The following MARF1 variants were observed in gnomAD, a reference collection of about 807,000 sequenced individuals.
MARF1 encodes the protein meiosis regulator and mRNA stability factor 1.
A neutral mutation model predicts 168.2 loss-of-function variants in MARF1; 24 were observed. That is an observed-to-expected ratio of 0.14 (90% CI 0.10 to 0.20). The LOEUF is 0.20. MARF1 is among the 10% of genes least tolerant of loss of function. The pLI, the probability that MARF1 is intolerant of heterozygous loss-of-function variation, is 1.00. For missense variants in MARF1, 1,744 were observed against 2,143.6 expected (o/e 0.81, Z 3.68); for synonymous variants, 868 against 822.4 (o/e 1.06, Z -0.95).
At chr16:15,600,291 G>T in intron 25 of MARF1, 137 bp downstream of exon 25, 2 of 1,163,330 alleles carry the variant, frequency 1.7e-6, no homozygotes, top group Non-Finnish European at 2.5e-6. Context: ...TACCAAAACT[G>T]CTTTGAAAAA....
In MARF1 at chr16:15,625,106, A is replaced by C; in HGVS notation, c.2021T>G (p.Leu674Arg). The change falls in exon 9 of 27, where the codon CTG becomes CGG. Residue 674 changes from leucine (L) to arginine (R), a missense_variant. Transcript: ENST00000396368. ...NSEHQQGHLR[L>R]VVPTHGNSSA... ...TGAGTTACCGTGAGTGGGTACGACCAGCCTCAGGTGACCTTGCTGGTGCTC... is the reference window on the plus strand; with the variant it reads ...TGAGTTACCGTGAGTGGGTACGACCCGCCTCAGGTGACCTTGCTGGTGCTC... 2 of 1,614,190 alleles carry C rather than the reference A, an allele frequency of 1.2e-6. No individual in the cohort carries two copies. The highest frequency in any genetic ancestry group is 1.7e-5 in the Admixed American group (1 of 60,016).
At chr16:15,639,996 C>T (rs1229069789) in intron 1 of MARF1, among the ~76,000 whole-genome samples, 1 of 152,128 alleles carries the variant, frequency 6.6e-6, no homozygotes, top group Non-Finnish European at 1.5e-5. Context: ...CAGAGTGAGA[C>T]TTCACCTCCT....
At position 15,624,824 on chromosome 16, in the gene MARF1, A is replaced by AAAG; in HGVS notation, c.2214_2215insCTT (p.Leu739dup). 3 of 1,614,200 alleles carry AAAG rather than the reference A, an allele frequency of 1.9e-6. No individual in the cohort carries two copies. Among genetic ancestry groups the AAAG allele is most frequent in the Non-Finnish European group, 2.5e-6 (3 of 1,180,026 alleles). On this transcript the variant is annotated inframe_insertion, in exon 10 of 27. Transcript: ENST00000396368. ...GGACTGACTTGCCTGGATGCAACTA[A>AAAG]CTTGCTAAAAGCAGACGGGTAACTC...
chr16:15,627,679 G>C (rs1201848086), intron 7 of MARF1, among the ~76,000 whole-genome samples: 2 of 151,978 alleles, frequency 1.3e-5, no homozygotes, highest in Non-Finnish European at 2.9e-5. Flanking sequence ...GAAAACTTAA[G>C]ATAATTATAT....
At chr16:15,600,301 A>G in intron 25 of MARF1, 127 bp downstream of exon 25, 1 of 1,251,690 alleles carries the variant, frequency 8.0e-7, no homozygotes, top group South Asian at 1.4e-5. Flanking sequence ...GCTTTGAAAA[A>G]TGTGTGGCTA....
chr16:15,610,901 C>T (rs992373629), intron 19 of MARF1, 74 bp downstream of exon 19: 2 of 1,455,950 alleles, frequency 1.4e-6, no homozygotes, highest in Admixed American at 1.8e-5. Flanking sequence ...GGGAAAACCA[C>T]ATCTTCCATG....
chr16:15,618,069 C>G lies in MARF1; in HGVS notation c.2721-534G>C, dbSNP rs866065752. 3.9e-5 allele frequency among the ~76,000 whole-genome samples: 6 copies of G among 152,278 alleles called. No individual in the cohort carries two copies. The South Asian group carries it at 1.0e-3, about 26-fold the overall frequency. ...CAGATTTGAGTTCACATCCTGACTC[C>G]ACTTCAACCTGTGTGACCTTAGTCA... is the stretch of plus-strand genomic sequence containing the variant. On this transcript the variant is annotated intron_variant, in intron 13 of 26. Coordinates refer to ENST00000396368, the MANE Select transcript of MARF1 (RefSeq NM_014647.4).
intron 2 of MARF1, among the ~76,000 whole-genome samples, chr16:15,638,541 G>A (rs188481079): frequency 1.0e-3 from 152 of 151,704 alleles, no homozygotes; most frequent in Middle Eastern, 3.4e-3. Flanking sequence ...AGCCGAGATC[G>A]CACCACTGCA....
chr16:15,624,499 G>GC (rs1022276255), intron 10 of MARF1, among the ~76,000 whole-genome samples: 5 of 152,088 alleles, frequency 3.3e-5, no homozygotes, highest in Admixed American at 2.0e-4. Context: ...ATCTTTACAT[G>GC]CCCCCCTGCA....
chr16:15,631,565 C>T (rs2035257814), intron 5 of MARF1, 67 bp from the exon 6 acceptor site: 2 of 1,099,520 alleles, frequency 1.8e-6, no homozygotes, highest in African/African-American at 3.2e-5. Flanking sequence ...CACATTCTGC[C>T]CATATTTTTT....
intron 18 of MARF1, 102 bp from the exon 19 acceptor site, chr16:15,611,210 G>C (rs1567545466): frequency 4.2e-6 from 5 of 1,176,562 alleles, no homozygotes; most frequent in Non-Finnish European, 6.1e-6. Flanking sequence ...TGTAATCCCA[G>C]CACTTTGGGA....
chr16:15,613,690 A>AATAAATAAATAAATAAAAT (rs2033789648), intron 16 of MARF1, among the ~76,000 whole-genome samples: 1 of 60,024 alleles, frequency 1.7e-5, no homozygotes, highest in Non-Finnish European at 3.2e-5. Context: ...TAAATAAATA[A>AATAAATAAATAAATAAAAT]AATAAAATAA....
intron 11 of MARF1, among the ~76,000 whole-genome samples, chr16:15,622,180 T>C (rs557135246): frequency 6.6e-6 from 1 of 152,156 alleles, no homozygotes; most frequent in Admixed American, 6.5e-5. Flanking sequence ...GGAAGAGTGT[T>C]TGGGGTCTTT....
chr16:15,598,248 G>A (rs1046557472), intron 26 of MARF1, among the ~76,000 whole-genome samples: 2 of 152,140 alleles, frequency 1.3e-5, no homozygotes, highest in Admixed American at 6.5e-5. Context: ...CCTTAGTCAC[G>A]CAGCCTGTGG....
At chr16:15,597,992 TG>T (rs1277695471) in intron 26 of MARF1, among the ~76,000 whole-genome samples, 1 of 152,126 alleles carries the variant, frequency 6.6e-6, no homozygotes, top group Admixed American at 6.5e-5. Context: ...ACAACCAAGA[TG>T]GTAAAAGCCA....
rs369002698 is a variant in MARF1, at chr16:15,612,608, G to A, written c.3423C>T (p.Tyr1141=). ...HFAKQCRVSD[Y]GYSKLIELLE... is the part of the protein sequence containing the mutation. The stretch of plus-strand genomic sequence containing the variant: ...ATAACTCAATCAGCTTGGAGTATCC[G>A]TAGTCTGACACTCGGCACTGCTTTG... The change falls in exon 17 of 27, where the codon TAC becomes TAT. Residue 1141 remains tyrosine, a synonymous_variant. Transcript: ENST00000396368. The A allele has an allele frequency of 8.4e-5, 135 of 1,614,028 alleles. 2 individuals are homozygous for A. In the South Asian group the frequency reaches 1.1e-3, roughly 13 times the overall value.
At chr16:15,597,603 G>C (rs779886869) in intron 26 of MARF1, among the ~76,000 whole-genome samples, 1 of 152,224 alleles carries the variant, frequency 6.6e-6, no homozygotes, top group South Asian at 2.1e-4. Flanking sequence ...CACTGCATAG[G>C]GCACAGGGCT....
Position 15,596,706 on chromosome 16 carries a change from A to G in MARF1, c.5216T>C (p.Ile1739Thr). The G allele has an allele frequency of 2.5e-6, 4 of 1,600,114 alleles. No individual in the cohort carries two copies. Among genetic ancestry groups the G allele is most frequent in the Non-Finnish European group, 3.4e-6 (4 of 1,169,158 alleles). ...TCCAAATGGGAGTTAAAGCTTGGTT[A>G]TAGGTGCTAAGGAAAAGTTGGCTGC... ...KLAANFSLAP[I>T]TKL The change falls in exon 27 of 27, where the codon ATA (isoleucine) becomes ACA (threonine). Residue 1739 changes from isoleucine (I) to threonine (T), a missense_variant. This residue lies in a region of MARF1 where 313 missense variants were observed against 337.4 expected (regional missense o/e 0.93). Coordinates refer to ENST00000396368, the MANE Select transcript of MARF1 (RefSeq NM_014647.4).
At chr16:15,597,267 G>A (rs1206061255) in intron 26 of MARF1, among the ~76,000 whole-genome samples, 3 of 152,166 alleles carry the variant, frequency 2.0e-5, no homozygotes, top group African/African-American at 7.2e-5. Context: ...AGATATTAAG[G>A]ACCCATAAAG....
Sources: allele counts gnomAD v4.1 joint callset (sites outside exome capture counted in the v4.1 genomes callset), GRCh38; gene constraint gnomAD v4.1.1; regional missense constraint gnomAD v4.1.1; transcripts MANE v1.5; gene names NCBI Gene and HGNC (gene_info 2026-07-23, HGNC 2026-07-21).